Variants in FHIT observed in about 807,000 individuals in gnomAD.
The protein encoded by FHIT is bis(5'-adenosyl)-triphosphatase.
In FHIT, 19 loss-of-function variants were observed where a neutral mutation model predicts 17.9. That is an observed-to-expected ratio of 1.06 (90% CI 0.74 to 1.56). FHIT has a LOEUF of 1.56. FHIT is among the 40% of genes most tolerant of loss of function. FHIT has a pLI of 0.00. For synonymous variants in FHIT, 81 were observed against 69.7 expected (o/e 1.16, Z -0.81); for missense variants, 248 against 189.2 (o/e 1.31, Z -1.82).
At chr3:61,139,793 A>G (rs1253461131) in intron 2 of FHIT, among the ~76,000 whole-genome samples, 2 of 152,146 alleles carry the variant, frequency 1.3e-5, no homozygotes, top group African/African-American at 4.8e-5. Flanking sequence ...CATCACTTTA[A>G]GGAATGCTGG....
chr3:60,176,952 G>A (rs969491070), intron 5 of FHIT, among the ~76,000 whole-genome samples: 1 of 151,930 alleles, frequency 6.6e-6, no homozygotes, highest in African/African-American at 2.4e-5. Flanking sequence ...GCAAAGCAAG[G>A]AGAAAGGCCA....
intron 5 of FHIT, among the ~76,000 whole-genome samples, chr3:60,192,094 T>C (rs1702424476): frequency 6.6e-6 from 1 of 151,296 alleles, no homozygotes; most frequent in African/African-American, 2.4e-5. Flanking sequence ...CTACCAAAAA[T>C]ATAAAAATTA....
intron 5 of FHIT, among the ~76,000 whole-genome samples, chr3:60,173,697 C>A (rs1174724337): frequency 1.3e-5 from 2 of 151,324 alleles, no homozygotes; most frequent in African/African-American, 4.9e-5. Flanking sequence ...ATTCCTCACG[C>A]TGTCTGCTCA....
chr3:59,863,600 T>G (rs1201398552), intron 8 of FHIT, among the ~76,000 whole-genome samples: 1 of 152,204 alleles, frequency 6.6e-6, no homozygotes, highest in Non-Finnish European at 1.5e-5. Context: ...CTCTACTCCC[T>G]GTGTCTAGCT....
intron 8 of FHIT, among the ~76,000 whole-genome samples, chr3:59,850,291 C>G (rs1230001719): frequency 6.6e-6 from 1 of 152,160 alleles, no homozygotes; most frequent in Non-Finnish European, 1.5e-5. Flanking sequence ...ACTTTTTGAA[C>G]AGACAACTTT....
intron 2 of FHIT, among the ~76,000 whole-genome samples, chr3:61,173,128 AT>A (rs1191104787): frequency 1.3e-5 from 2 of 152,166 alleles, no homozygotes; most frequent in Admixed American, 6.5e-5. Flanking sequence ...TAATATTTTA[AT>A]TTTTTAAAAA....
intron 5 of FHIT, among the ~76,000 whole-genome samples, chr3:60,264,891 G>T (rs1343846223): frequency 6.6e-6 from 1 of 150,812 alleles, no homozygotes; most frequent in African/African-American, 2.4e-5. Flanking sequence ...TTTTCTAATT[G>T]CCCCCCTGAA....
intron 7 of FHIT, among the ~76,000 whole-genome samples, chr3:59,940,099 A>G (rs980911105): frequency 1.3e-5 from 2 of 152,180 alleles, no homozygotes; most frequent in African/African-American, 2.4e-5. Context: ...TCAACACCTC[A>G]GAGCTTCAGA....
chr3:61,217,629 G>A (rs1302000534), intron 1 of FHIT, among the ~76,000 whole-genome samples: 1 of 152,078 alleles, frequency 6.6e-6, no homozygotes, highest in Non-Finnish European at 1.5e-5. Flanking sequence ...CAGCCTTGCC[G>A]CCCTCAATGA....
At chr3:59,764,877 C>T (rs1468459226) in intron 8 of FHIT, among the ~76,000 whole-genome samples, 1 of 12,468 alleles carries the variant, frequency 8.0e-5, no homozygotes, top group African/African-American at 1.4e-4. Flanking sequence ...CACACACACA[C>T]ACACACACAC....
At position 60,163,619 on chromosome 3, in the gene FHIT, C is replaced by T. The variant is rs1443554436; in HGVS notation, c.104-149467G>A. Among the ~76,000 whole-genome samples, 3 of 152,188 alleles carry T rather than the reference C, an allele frequency of 2.0e-5. No individual in the cohort carries two copies. In the East Asian group the frequency reaches 5.8e-4, roughly 29 times the overall value. ...CAGACCTCCCTGGAGGAAGCCTCTC[C>T]AGCATCCCTGGCCAGGCCAGATTTC... On this transcript the variant is annotated intron_variant, in intron 5 of 9. Coordinates refer to ENST00000492590, the MANE Select transcript of FHIT (RefSeq NM_002012.4).
At chr3:59,818,050 A>G (rs111716201) in intron 8 of FHIT, among the ~76,000 whole-genome samples, 9 of 152,182 alleles carry the variant, frequency 5.9e-5, no homozygotes, top group African/African-American at 2.2e-4. Flanking sequence ...GGAATTTGCA[A>G]TAGAAGAGGA....
At chr3:60,084,108 GT>G (rs1458556395) in intron 5 of FHIT, among the ~76,000 whole-genome samples, 4 of 152,104 alleles carry the variant, frequency 2.6e-5, no homozygotes, top group Non-Finnish European at 5.9e-5. Context: ...CATACATAAT[GT>G]TGTATAAGGA....
intron 5 of FHIT, among the ~76,000 whole-genome samples, chr3:60,382,850 C>T (rs1050356379): frequency 5.9e-5 from 9 of 152,292 alleles, no homozygotes; most frequent in South Asian, 4.1e-4. Flanking sequence ...ACATAGAGAA[C>T]GAGAAATCAG....
chr3:60,677,822 A>C (rs1025586510), intron 4 of FHIT, among the ~76,000 whole-genome samples: 18 of 152,116 alleles, frequency 1.2e-4, no homozygotes, highest in African/African-American at 4.1e-4. Flanking sequence ...AAGGTTTTAA[A>C]ATTATTGATT....
At chr3:60,494,613 C>T (rs1403461003) in intron 5 of FHIT, among the ~76,000 whole-genome samples, 2 of 152,104 alleles carry the variant, frequency 1.3e-5, no homozygotes, top group Non-Finnish European at 2.9e-5. Flanking sequence ...ACCTCCCTGC[C>T]CACCACCTGT....
At chr3:60,935,304 A>G (rs1708140835) in intron 3 of FHIT, among the ~76,000 whole-genome samples, 1 of 152,234 alleles carries the variant, frequency 6.6e-6, no homozygotes, top group South Asian at 2.1e-4. Context: ...TAGCACTGTG[A>G]TAACACTAGA....
At chr3:59,803,796 C>T (rs1700092870) in intron 8 of FHIT, among the ~76,000 whole-genome samples, 1 of 152,002 alleles carries the variant, frequency 6.6e-6, no homozygotes, top group Admixed American at 6.6e-5. Flanking sequence ...TCCCTATTTG[C>T]TTCAGTAAAG....
intron 7 of FHIT, among the ~76,000 whole-genome samples, chr3:59,982,794 C>A (rs1192761678): frequency 6.6e-6 from 1 of 152,098 alleles, no homozygotes; most frequent in Non-Finnish European, 1.5e-5. Flanking sequence ...CACATCAGCC[C>A]CAGTCCCTAC....
Sources: gnomAD v4.1 joint callset for allele counts (sites outside exome capture counted in the v4.1 genomes callset) on GRCh38, gnomAD v4.1.1 for gene constraint, MANE v1.5 for transcripts, NCBI Gene and HGNC (gene_info 2026-07-23, HGNC 2026-07-21) for gene names.